Variants in NTMT2 observed in about 807,000 individuals in gnomAD.
The protein encoded by NTMT2 is X-Pro-Lys N-terminal protein methyltransferase 1B.
NTMT2 carries 21 observed loss-of-function variants against 23.4 expected under a neutral mutation model. That is an observed-to-expected ratio of 0.90 (90% confidence interval 0.64 to 1.29). The LOEUF is 1.29. Ranked by LOEUF, NTMT2 falls within the 50% of genes most tolerant of loss-of-function variation. NTMT2 has a pLI of 0.00. For synonymous variants in NTMT2, 131 were observed against 127.7 expected (o/e 1.03, Z -0.17); for missense variants, 336 against 352.0 (o/e 0.95, Z 0.36).
chr1:170,161,296 T>TA lies in NTMT2; in HGVS notation c.330+618dup, dbSNP rs77897966. ...CCTGGGTGACAGGTGAGACTCCGTC[T>TA]AAAAAAAAAAAAAAAGTTAGAAGGA... On this transcript the variant is annotated intron_variant, in intron 2 of 3. Transcript: ENST00000439373. 3.3e-3 allele frequency among the ~76,000 whole-genome samples: 447 copies of TA among 137,230 alleles called. 2 individuals carry two copies. Among genetic ancestry groups the TA allele is most frequent in the Non-Finnish European group, 3.9e-3 (248 of 62,910 alleles). 90.0% of individuals were successfully genotyped at this position (137,230 alleles called of 152,430 possible). A position where few individuals can be genotyped will look rare whatever the true frequency, so the allele number is the denominator to read the frequency against.
At chr1:170,166,125 CTTT>C (rs1420113193) in intron 2 of NTMT2, among the ~76,000 whole-genome samples, 1 of 112,564 alleles carries the variant, frequency 8.9e-6, no homozygotes, top group Non-Finnish European at 1.7e-5. Context: ...AATTTTCTTT[CTTT>C]TTTTTTTTTT....
chr1:170,150,604 C>G (rs1256363728), intron 1 of NTMT2, among the ~76,000 whole-genome samples: 1 of 152,088 alleles, frequency 6.6e-6, no homozygotes, highest in Non-Finnish European at 1.5e-5. Context: ...TAAATGAAAA[C>G]TTAACTAATG....
In NTMT2 at chr1:170,156,631, A is replaced by T. The variant is rs143088953; in HGVS notation, c.155-3887A>T. Among the ~76,000 whole-genome samples, 1,484 of 152,226 alleles carry T rather than the reference A, an allele frequency of 9.7e-3. 18 individuals are homozygous for T. Among genetic ancestry groups the T allele is most frequent in the Non-Finnish European group, 0.014 (972 of 67,992 alleles). ...ATATATATTTCTATAGTAAAAAGCC[A>T]TGTGCTGGTGACTGGTTTACTTATC... On this transcript the variant is annotated intron_variant, in intron 1 of 3. Coordinates refer to ENST00000439373, the MANE Select transcript of NTMT2 (RefSeq NM_001136107.2).
At chr1:170,151,276 G>A (rs1045693178) in intron 1 of NTMT2, 4 of 153,678 alleles carry the variant, frequency 2.6e-5, no homozygotes, top group African/African-American at 9.6e-5. Flanking sequence ...AAGAGACAAT[G>A]TGAAGAGGTG....
At chr1:170,151,068 A>C (rs932376967) in intron 1 of NTMT2, among the ~76,000 whole-genome samples, 1 of 152,186 alleles carries the variant, frequency 6.6e-6, no homozygotes, top group African/African-American at 2.4e-5. Context: ...GCTTAGCCCA[A>C]CTTCATGTGT....
rs920304000 is a variant in NTMT2 at position 170,168,249 on chromosome 1, A to AG, written c.*492_*493insG. ...CATTTGTCTACTCAAACAAAAAAAA[A>AG]AAAAAGAAAAAGAAACAATGCCCAC... On this transcript the variant is annotated 3_prime_UTR_variant, in exon 4 of 4. Coordinates refer to ENST00000439373, the MANE Select transcript of NTMT2 (RefSeq NM_001136107.2). Among the ~76,000 whole-genome samples, 1 of 151,400 alleles carries AG rather than the reference A, an allele frequency of 6.6e-6. No homozygotes were observed. The highest frequency in any genetic ancestry group is 2.4e-5 in the African/African-American group (1 of 41,230).
chr1:170,166,901 T>C, intron 3 of NTMT2, 150 bp downstream of exon 3: 1 of 747,616 alleles, frequency 1.3e-6, no homozygotes, highest in Non-Finnish European at 2.2e-6. Context: ...CCCACAAAAC[T>C]CTGATCCTCC....
At chr1:170,161,685 A>G (rs1188560611) in intron 2 of NTMT2, 4 of 152,272 alleles carry the variant, frequency 2.6e-5, no homozygotes, top group African/African-American at 4.8e-5. Context: ...GCTTTAGTGC[A>G]CAAAATTAGT....
chr1:170,165,457 G>T (rs1673362098), intron 2 of NTMT2, among the ~76,000 whole-genome samples: 1 of 152,056 alleles, frequency 6.6e-6, no homozygotes, highest in African/African-American at 2.4e-5. Context: ...AGGAAACTTT[G>T]CCAAAACTAC....
chr1:170,162,045 G>A (rs976721698), intron 2 of NTMT2, among the ~76,000 whole-genome samples: 4 of 152,190 alleles, frequency 2.6e-5, no homozygotes, highest in Non-Finnish European at 4.4e-5. Context: ...AGCTGAGACC[G>A]TGCCAGTGCA....
intron 1 of NTMT2, among the ~76,000 whole-genome samples, chr1:170,148,704 T>A (rs1673015057): frequency 6.6e-6 from 1 of 152,150 alleles, no homozygotes; most frequent in South Asian, 2.1e-4. Flanking sequence ...ATAAAAAATA[T>A]TTTTTTCTCT....
At chr1:170,166,203 A>G (rs1346689874) in intron 2 of NTMT2, among the ~76,000 whole-genome samples, 2 of 133,024 alleles carry the variant, frequency 1.5e-5, no homozygotes, top group South Asian at 2.4e-4. Context: ...GCAGTGGCGC[A>G]ATCTCGGCTC....
intron 1 of NTMT2, among the ~76,000 whole-genome samples, chr1:170,153,376 T>C (rs548767813): frequency 6.6e-6 from 1 of 152,298 alleles, no homozygotes; most frequent in African/African-American, 2.4e-5. Flanking sequence ...TGGAAGAATT[T>C]GGAGGGCTCA....
intron 1 of NTMT2, among the ~76,000 whole-genome samples, chr1:170,151,752 G>T (rs1265891492): frequency 6.6e-6 from 1 of 152,034 alleles, no homozygotes. Context: ...AATAGACCTA[G>T]GTTCAAGTCC....
At chr1:170,148,142 C>CT (rs371620511) in intron 1 of NTMT2, among the ~76,000 whole-genome samples, 58,672 of 74,542 alleles carry the variant, frequency 0.79, 24,313 homozygotes, top group South Asian at 0.91. Context: ...TGAGGCACTC[C>CT]TTTTTTTTTT....
chr1:170,146,308 G>A, intron 1 of NTMT2, 47 bp downstream of exon 1: 1 of 1,522,824 alleles, frequency 6.6e-7, no homozygotes, highest in Non-Finnish European at 8.9e-7. Context: ...ATGACTGATG[G>A]GATTGCATGA....
intron 2 of NTMT2, among the ~76,000 whole-genome samples, chr1:170,163,392 T>C (rs12120968): frequency 0.028 from 4,297 of 152,316 alleles, 90 homozygotes; most frequent in Non-Finnish European, 0.045. Flanking sequence ...TAAAGTTTTG[T>C]TTTCCTTTCA....
intron 2 of NTMT2, among the ~76,000 whole-genome samples, chr1:170,162,970 G>C (rs528865668): frequency 3.9e-5 from 6 of 151,962 alleles, no homozygotes; most frequent in Non-Finnish European, 8.8e-5. Flanking sequence ...TCGTGGTGAG[G>C]CCGACTTTGA....
chr1:170,161,172 G>A (rs1015325357), intron 2 of NTMT2, among the ~76,000 whole-genome samples: 10 of 151,964 alleles, frequency 6.6e-5, no homozygotes, highest in African/African-American at 9.7e-5. Context: ...GGTGGCGGGC[G>A]CCTGTAGTCC....
Sources: gnomAD v4.1 joint callset for allele counts (sites outside exome capture counted in the v4.1 genomes callset) on GRCh38, gnomAD v4.1.1 for gene constraint, MANE v1.5 for transcripts, NCBI Gene and HGNC (gene_info 2026-07-23, HGNC 2026-07-21) for gene names.